Variants in CCDC40 observed in about 807,000 individuals in gnomAD.
CCDC40 encodes the protein coiled-coil domain-containing protein 40.
A neutral mutation model predicts 124.5 loss-of-function variants in CCDC40; 104 were observed. That is an observed-to-expected ratio of 0.84 (90% CI 0.71 to 0.98). The LOEUF (loss-of-function observed/expected upper bound fraction) is 0.98, where lower values mean the gene tolerates loss of function less well. Among genes scored for constraint, CCDC40 ranks in the 50% least tolerant of loss-of-function variants. CCDC40 has a pLI of 0.00. For synonymous variants in CCDC40, 580 were observed against 602.9 expected, an observed-to-expected ratio of 0.96 and a Z score of 0.56; for missense variants, 1,463 against 1,503.9, an observed-to-expected ratio of 0.97 and a Z score of 0.45.
In CCDC40 at chr17:80,087,919, C is replaced by T. The variant is rs569842522; in HGVS notation, c.2620-92C>T. On this transcript the variant is annotated intron_variant, in intron 15 of 19. Transcript: ENST00000397545. This position sits in a 1 kb window ranked among gnomAD's most constrained non-coding sequence, Gnocchi z 4.5. The stretch of plus-strand genomic sequence containing the variant: ...GGGTATTAGAAATCCAGCCTGCAGC[C>T]CTGCCCTCGGTGCCGGGATAGAGGG... The T allele has an allele frequency of 1.8e-3, 2,370 of 1,294,642 alleles. 1 individual carries two copies. Among genetic ancestry groups the T allele is most frequent in the Middle Eastern group, 3.3e-3 (15 of 4,532 alleles). The allele number at this position is 1,294,642 out of a possible 1,614,324, so 80.2% of individuals were successfully genotyped here.
chr17:80,081,277 CAA>C (rs976266435), intron 10 of CCDC40, among the ~76,000 whole-genome samples: 16 of 151,934 alleles, frequency 1.1e-4, no homozygotes, highest in Admixed American at 2.0e-4. Context: ...CCCAGCCACT[CAA>C]GAGGTTGAGG....
chr17:80,038,131 C>A lies in CCDC40; in HGVS notation c.38C>A (p.Pro13Gln), dbSNP rs541172966. ...TGTTTCTCTAAAACCAGGTCCCATCCGGAAGATGGATCGGCTTCTGAGGGA... is the reference window on the plus strand; with the variant it reads ...TGTTTCTCTAAAACCAGGTCCCATCAGGAAGATGGATCGGCTTCTGAGGGA... ...EPGGAAGRSH[P>Q]EDGSASEGEK... Residue 13 changes from proline (P) to glutamine (Q), a missense_variant, in exon 2 of 20, where the codon CCG (proline) becomes CAG (glutamine). Pro to Gln is a moderately conservative substitution (Grantham distance 76, BLOSUM62 -1). Coordinates refer to ENST00000397545, the MANE Select transcript of CCDC40 (RefSeq NM_017950.4). The A allele has an allele frequency of 6.2e-7, 1 of 1,608,960 alleles. No individual in the cohort carries two copies. The highest frequency in any genetic ancestry group is 1.3e-5 in the African/African-American group (1 of 74,770).
intron 9 of CCDC40, among the ~76,000 whole-genome samples, chr17:80,061,472 A>G (rs2037894124): frequency 6.6e-6 from 1 of 152,228 alleles, no homozygotes; most frequent in Non-Finnish European, 1.5e-5. Context: ...CGCAGCCATT[A>G]GTAAATCCGG....
intron 9 of CCDC40, among the ~76,000 whole-genome samples, chr17:80,063,837 A>G (rs1452055763): frequency 1.3e-5 from 2 of 152,206 alleles, no homozygotes; most frequent in African/African-American, 2.4e-5. Flanking sequence ...TCAGATAGCT[A>G]GAAGAGAGGG....
intron 3 of CCDC40, among the ~76,000 whole-genome samples, chr17:80,043,837 G>A (rs1360292894): frequency 6.6e-6 from 1 of 151,906 alleles, no homozygotes; most frequent in Admixed American, 6.6e-5. Context: ...CATATTTGTA[G>A]CTCCTTTCTC....
chr17:80,045,672 C>G (rs796793851), intron 3 of CCDC40, among the ~76,000 whole-genome samples: 2 of 152,188 alleles, frequency 1.3e-5, no homozygotes, highest in African/African-American at 4.8e-5. Flanking sequence ...CCACTGCACT[C>G]CAGCCTGGGC....
At chr17:80,094,218 G>A (rs112265478) in intron 17 of CCDC40, among the ~76,000 whole-genome samples, 3,355 of 149,706 alleles carry the variant, frequency 0.022, 81 homozygotes, top group African/African-American at 0.059. Context: ...AAACCAGCCT[G>A]GCCACCACGG....
Position 80,065,914 on chromosome 17 carries a change from T to C in CCDC40, c.1562+308T>C, listed in dbSNP as rs115155178. ...TCTTTGGGAGGTAAAGGTGTCCCTT[T>C]GATTTGCAGTATCACCACCTGAGTG... On this transcript the variant is annotated intron_variant, in intron 10 of 19. Transcript: ENST00000397545. Among the ~76,000 whole-genome samples, 2,241 of 152,324 alleles carry C rather than the reference T, an allele frequency of 0.015. 53 individuals are homozygous for C. The highest frequency in any genetic ancestry group is 0.051 in the African/African-American group (2,139 of 41,566).
intron 16 of CCDC40, 138 bp from the exon 17 acceptor site, chr17:80,089,626 A>C (rs2143759062): frequency 2.1e-6 from 2 of 966,198 alleles, no homozygotes; most frequent in East Asian, 6.6e-5. Flanking sequence ...TCAGGCTTTG[A>C]GAGCCTCACG....
rs61749058 is a variant in CCDC40, at chr17:80,081,958, C to T, written c.1889C>T (p.Ala630Val). The T allele has an allele frequency of 0.11, 171,753 of 1,613,548 alleles. 10,044 individuals carry two copies. The highest frequency in any genetic ancestry group is 0.12 in the Non-Finnish European group (141,289 of 1,179,664). ...GELELRRKTD[A>V]AIREKLQEHM... ...CTGGAGCTCAGGAGGAAGACGGATG[C>T]TGCCATCCGGGAGAAGCTGCAGGAG... The change falls in exon 12 of 20, where the codon GCT (alanine) becomes GTT (valine). Residue 630 changes from alanine to valine, a missense_variant. Transcript: ENST00000397545.
chr17:80,041,507 CA>C (rs111597290), intron 3 of CCDC40, among the ~76,000 whole-genome samples: 346 of 134,158 alleles, frequency 2.6e-3, no homozygotes, highest in East Asian at 0.023. Context: ...GACTCTGTCT[CA>C]AAAAAAAAAA....
At chr17:80,090,037 G>A in intron 17 of CCDC40, 153 bp downstream of exon 17, 5 of 1,537,690 alleles carry the variant, frequency 3.3e-6, no homozygotes, top group Non-Finnish European at 4.4e-6. Context: ...TTTCCAGGGA[G>A]CGACCCGCTC....
chr17:80,097,273 TG>T lies in CCDC40; in HGVS notation c.3052del (p.Glu1018AsnfsTer9). ...KATDECTKTV[L>X]ELEETQRNVS... ...ACCGATGAGTGCACCAAAACCGTCC[TG>T]GAACTGGAAGAAACACAAAGAAATG... is the stretch of plus-strand genomic sequence containing the variant. On this transcript the variant is annotated frameshift_variant, in exon 19 of 20. Transcript: ENST00000397545. LOFTEE classifies it high-confidence loss of function. 1 of 1,613,956 alleles carries T rather than the reference TG, an allele frequency of 6.2e-7. No homozygotes were observed. Among genetic ancestry groups the T allele is most frequent in the Non-Finnish European group, 8.5e-7 (1 of 1,180,002 alleles).
chr17:80,065,437 C>T, intron 9 of CCDC40, 48 bp from the exon 10 acceptor site: 1 of 1,612,156 alleles, frequency 6.2e-7, no homozygotes, highest in Non-Finnish European at 8.5e-7. Context: ...GCTTTGCTCG[C>T]AAATGAAATG....
In CCDC40 at chr17:80,066,190, C is replaced by T. The variant is rs550924300; in HGVS notation, c.1562+584C>T. 2.0e-4 allele frequency: 138 copies of T among 702,962 alleles called. 5 individuals carry two copies. Among genetic ancestry groups the T allele is most frequent in the South Asian group, 1.9e-3 (126 of 67,592 alleles). 43.5% of individuals were successfully genotyped at this position (702,962 alleles called of 1,614,324 possible). ...GCACTGTGGTGGCACGTGTCTCACC[C>T]GCTGAGCTTTAACTTCCCCTCCACC... On this transcript the variant is annotated intron_variant, in intron 10 of 19. Transcript: ENST00000397545. The surrounding 1 kb of genome is among the most constrained non-coding windows in gnomAD (Gnocchi z 4.4).
chr17:80,083,579 G>A (rs1171492296), intron 12 of CCDC40, among the ~76,000 whole-genome samples: 1 of 152,224 alleles, frequency 6.6e-6, no homozygotes, highest in East Asian at 1.9e-4. Flanking sequence ...ACCATGCCCT[G>A]GGGAAGAGGA....
intron 4 of CCDC40, 111 bp downstream of exon 4, chr17:80,047,513 C>A: frequency 8.5e-7 from 1 of 1,174,068 alleles, no homozygotes; most frequent in Non-Finnish European, 1.2e-6. Flanking sequence ...TCCTGAGTGG[C>A]TGTGAGCTGA....
At chr17:80,048,216 C>T (rs951716309) in intron 4 of CCDC40, among the ~76,000 whole-genome samples, 3 of 152,132 alleles carry the variant, frequency 2.0e-5, no homozygotes, top group Non-Finnish European at 4.4e-5. Context: ...GCCGAGATCA[C>T]GCCACTGCAC....
At chr17:80,072,803 A>G (rs948901074) in intron 10 of CCDC40, among the ~76,000 whole-genome samples, 3 of 152,074 alleles carry the variant, frequency 2.0e-5, no homozygotes, top group Admixed American at 1.3e-4. Context: ...GATACATCAG[A>G]TGTATTTGTC....
Sources: allele counts gnomAD v4.1 joint callset (sites outside exome capture counted in the v4.1 genomes callset), GRCh38; gene constraint gnomAD v4.1.1; non-coding constraint Gnocchi (gnomAD v3.1); transcripts MANE v1.5; gene names NCBI Gene and HGNC (gene_info 2026-07-23, HGNC 2026-07-21).